FSTL5: variants seen among roughly 807,000 people sequenced by gnomAD.
FSTL5 encodes the protein follistatin-related protein 5.
Under a neutral mutation model 89.1 loss-of-function variants are expected in FSTL5, and 62 were observed. That is an observed-to-expected ratio of 0.70 (90% confidence interval 0.57 to 0.86). The LOEUF is 0.86. Ranked by LOEUF, FSTL5 falls within the 40% of genes least tolerant of loss-of-function variation. The pLI, the probability that FSTL5 is intolerant of heterozygous loss-of-function variation, is 0.00. For missense variants in FSTL5, 1,057 were observed against 1,001.6 expected, an observed-to-expected ratio of 1.06 and a Z score of -0.75; for synonymous variants, 383 against 346.2, an observed-to-expected ratio of 1.11 and a Z score of -1.18.
intron 15 of FSTL5, among the ~76,000 whole-genome samples, chr4:161,428,772 G>T (rs1732250797): frequency 6.6e-6 from 1 of 152,136 alleles, no homozygotes; most frequent in Non-Finnish European, 1.5e-5. Context: ...AGATGTGCTG[G>T]CTTCAAGTGT....
chr4:161,913,400 G>C (rs1224287817), intron 4 of FSTL5, among the ~76,000 whole-genome samples: 1 of 152,166 alleles, frequency 6.6e-6, no homozygotes, highest in Admixed American at 6.5e-5. Flanking sequence ...CTCCAGCCAT[G>C]GCTGAAAGGG....
intron 9 of FSTL5, among the ~76,000 whole-genome samples, chr4:161,541,966 T>C (rs1297712989): frequency 6.6e-6 from 1 of 151,952 alleles, no homozygotes; most frequent in Non-Finnish European, 1.5e-5. Flanking sequence ...TTATCTAATA[T>C]ACAGTAATTT....
chr4:162,054,795 G>GT (rs1235190949), intron 2 of FSTL5, among the ~76,000 whole-genome samples: 1 of 151,856 alleles, frequency 6.6e-6, no homozygotes, highest in African/African-American at 2.4e-5. Context: ...TGTCTGAAAT[G>GT]TAATGTTCAG....
At chr4:162,078,387 T>G (rs944886921) in intron 2 of FSTL5, among the ~76,000 whole-genome samples, 6 of 151,846 alleles carry the variant, frequency 4.0e-5, no homozygotes, top group Admixed American at 2.6e-4. Context: ...TACAAATAAG[T>G]GTAATGGTTT....
chr4:161,973,070 G>A (rs1232914037), intron 3 of FSTL5, among the ~76,000 whole-genome samples: 1 of 152,020 alleles, frequency 6.6e-6, no homozygotes, highest in Admixed American at 6.5e-5. Context: ...TAACTCTCCA[G>A]TCTCCCATCA....
chr4:161,925,975 A>T (rs1734110052), intron 3 of FSTL5, among the ~76,000 whole-genome samples: 1 of 151,972 alleles, frequency 6.6e-6, no homozygotes, highest in Non-Finnish European at 1.5e-5. Context: ...ATTTAGAATT[A>T]AGTATAATAT....
chr4:161,775,639 ATAGATATCTATCAGAAG>A, intron 5 of FSTL5, among the ~76,000 whole-genome samples: 1 of 152,108 alleles, frequency 6.6e-6, no homozygotes, highest in Non-Finnish European at 1.5e-5. Flanking sequence ...TATTTAAGAT[ATAGATATCTATCAGAAG>A]TAGATATCTC....
At chr4:161,551,596 C>T (rs966324199) in intron 8 of FSTL5, among the ~76,000 whole-genome samples, 10 of 151,928 alleles carry the variant, frequency 6.6e-5, no homozygotes, top group Admixed American at 2.6e-4. Flanking sequence ...TACTACAAGG[C>T]TACAGTAACC....
intron 4 of FSTL5, among the ~76,000 whole-genome samples, chr4:161,788,241 T>A (rs944408568): frequency 1.3e-4 from 20 of 152,214 alleles, no homozygotes; most frequent in African/African-American, 4.6e-4. Context: ...TTTAAAAACA[T>A]GTCATTTCTT....
intron 4 of FSTL5, among the ~76,000 whole-genome samples, chr4:161,905,576 G>A (rs1348097945): frequency 6.6e-6 from 1 of 151,982 alleles, no homozygotes; most frequent in African/African-American, 2.4e-5. Context: ...GTTTTTTTCT[G>A]TTGATGTGAA....
intron 6 of FSTL5, among the ~76,000 whole-genome samples, chr4:161,667,227 A>C (rs550152470): frequency 6.6e-6 from 1 of 152,108 alleles, no homozygotes; most frequent in African/African-American, 2.4e-5. Context: ...AATTATATAA[A>C]GTTGAATTTT....
chr4:161,574,605 ATACGGTGTTTGGT>A (rs1454590626), intron 8 of FSTL5, among the ~76,000 whole-genome samples: 1 of 152,128 alleles, frequency 6.6e-6, no homozygotes, highest in Non-Finnish European at 1.5e-5. Flanking sequence ...GAGTGAGAAC[ATACGGTGTTTGGT>A]TTTCTATTCC....
At chr4:161,419,121 A>G (rs2126308051) in intron 15 of FSTL5, among the ~76,000 whole-genome samples, 1 of 152,284 alleles carries the variant, frequency 6.6e-6, no homozygotes, top group South Asian at 2.1e-4. Flanking sequence ...TATAATACAC[A>G]CATACTCCCT....
chr4:161,682,980 C>T lies in FSTL5; in HGVS notation c.728-26486G>A, dbSNP rs759797358. On this transcript the variant is annotated intron_variant, in intron 6 of 15. Transcript: ENST00000306100. ...CAGGCTGTTCTCGAACTCCTGACCT[C>T]GTGATCCACCCACCTCGGCCTCCCA... 1.2e-3 allele frequency among the ~76,000 whole-genome samples: 183 copies of T among 152,128 alleles called. 2 individuals carry two copies. The highest frequency in any genetic ancestry group is 4.1e-3 in the African/African-American group (169 of 41,500).
chr4:161,477,311 G>A (rs1200343987), intron 13 of FSTL5, among the ~76,000 whole-genome samples: 4 of 149,868 alleles, frequency 2.7e-5, no homozygotes, highest in Non-Finnish European at 5.9e-5. Context: ...TAAAAAGGCA[G>A]ATAAATTACT....
At chr4:162,112,137 T>C (rs867795955) in intron 1 of FSTL5, among the ~76,000 whole-genome samples, 1 of 152,186 alleles carries the variant, frequency 6.6e-6, no homozygotes, top group African/African-American at 2.4e-5. Flanking sequence ...TGAGTTCAAG[T>C]ATATCCTGCT....
intron 4 of FSTL5, among the ~76,000 whole-genome samples, chr4:161,863,057 G>A (rs972038787): frequency 6.6e-6 from 1 of 152,102 alleles, no homozygotes; most frequent in African/African-American, 2.4e-5. Flanking sequence ...CTACTCATCA[G>A]TAACAAAATA....
At chr4:161,772,365 C>T (rs922370391) in intron 5 of FSTL5, among the ~76,000 whole-genome samples, 9 of 151,588 alleles carry the variant, frequency 5.9e-5, no homozygotes, top group Non-Finnish European at 1.2e-4. Flanking sequence ...TTTTAAAATT[C>T]AATATTAAAG....
intron 15 of FSTL5, among the ~76,000 whole-genome samples, chr4:161,434,007 C>T (rs1213065250): frequency 6.6e-6 from 1 of 152,056 alleles, no homozygotes; most frequent in African/African-American, 2.4e-5. Flanking sequence ...AATGCAATCA[C>T]TATTAAAATA....
Sources: allele counts gnomAD v4.1 joint callset (sites outside exome capture counted in the v4.1 genomes callset), GRCh38; gene constraint gnomAD v4.1.1; transcripts MANE v1.5; gene names NCBI Gene and HGNC (gene_info 2026-07-23, HGNC 2026-07-21).